The following BBX variants were observed in gnomAD, a reference collection of about 807,000 sequenced individuals.
BBX encodes the protein HMG box transcription factor BBX.
Under a neutral mutation model 100.2 loss-of-function variants are expected in BBX, and 30 were observed. That is an observed-to-expected ratio of 0.30 (90% CI 0.22 to 0.41). The LOEUF is 0.41. Among genes scored for constraint, BBX ranks in the 10% least tolerant of loss-of-function variants. BBX has a pLI of 1.00. For missense variants in BBX, 1,023 were observed against 1,129.8 expected, an observed-to-expected ratio of 0.91 and a Z score of 1.35; for synonymous variants, 376 against 388.1, an observed-to-expected ratio of 0.97 and a Z score of 0.37.
chr3:107,580,567 TGAC>T (rs989942982), intron 2 of BBX, among the ~76,000 whole-genome samples: 2 of 152,216 alleles, frequency 1.3e-5, no homozygotes, highest in African/African-American at 4.8e-5. Flanking sequence ...CCAAAATATA[TGAC>T]TCATATGTAG....
At chr3:107,788,351 C>T (rs971085162) in intron 13 of BBX, among the ~76,000 whole-genome samples, 3 of 152,142 alleles carry the variant, frequency 2.0e-5, no homozygotes, top group Non-Finnish European at 2.9e-5. Flanking sequence ...GGGTGTGGCT[C>T]TAGTGGTCAG....
intron 3 of BBX, among the ~76,000 whole-genome samples, chr3:107,672,154 G>A (rs1006514092): frequency 3.9e-5 from 6 of 152,018 alleles, no homozygotes; most frequent in Non-Finnish European, 8.8e-5. Flanking sequence ...TAGAGCAGAT[G>A]TATTAGAGTC....
chr3:107,576,557 TG>T (rs2051791394), intron 2 of BBX, among the ~76,000 whole-genome samples: 1 of 152,198 alleles, frequency 6.6e-6, no homozygotes, highest in African/African-American at 2.4e-5. Flanking sequence ...GTATATTACA[TG>T]TGTGTGAAAG....
At chr3:107,729,910 A>G (rs1487337030) in intron 6 of BBX, among the ~76,000 whole-genome samples, 1 of 152,092 alleles carries the variant, frequency 6.6e-6, no homozygotes, top group Non-Finnish European at 1.5e-5. Context: ...GCAGTATTCT[A>G]TATAATCTAC....
At chr3:107,640,335 A>G (rs905823208) in intron 2 of BBX, among the ~76,000 whole-genome samples, 1 of 152,168 alleles carries the variant, frequency 6.6e-6, no homozygotes, top group Non-Finnish European at 1.5e-5. Flanking sequence ...TACTTCAACC[A>G]GATCTGCTGC....
chr3:107,705,773 C>T (rs1197137529), intron 3 of BBX, among the ~76,000 whole-genome samples: 2 of 152,158 alleles, frequency 1.3e-5, no homozygotes, highest in Admixed American at 6.6e-5. Context: ...CATGTGTTCT[C>T]ACAGTAGAGC....
intron 2 of BBX, among the ~76,000 whole-genome samples, chr3:107,602,649 G>C (rs1421892484): frequency 6.6e-6 from 1 of 152,198 alleles, no homozygotes; most frequent in Non-Finnish European, 1.5e-5. Flanking sequence ...ATGACATTGA[G>C]GGATTCAAGC....
At chr3:107,750,465 AT>A (rs1206235251) in intron 9 of BBX, among the ~76,000 whole-genome samples, 1 of 152,212 alleles carries the variant, frequency 6.6e-6, no homozygotes, top group Non-Finnish European at 1.5e-5. Context: ...TCCTAGTTAT[AT>A]TTTGTAACCA....
intron 2 of BBX, among the ~76,000 whole-genome samples, chr3:107,612,878 G>C (rs1386200028): frequency 6.6e-6 from 1 of 152,164 alleles, no homozygotes; most frequent in Non-Finnish European, 1.5e-5. Context: ...TGCTGTCTGG[G>C]AACCAGAGCC....
intron 10 of BBX, among the ~76,000 whole-genome samples, chr3:107,770,277 A>C (rs2066795633): frequency 6.6e-6 from 1 of 152,242 alleles, no homozygotes; most frequent in African/African-American, 2.4e-5. Context: ...AACTGTCAGC[A>C]TACCACTAAA....
chr3:107,774,368 G>A (rs2067150671), intron 11 of BBX, among the ~76,000 whole-genome samples: 1 of 152,144 alleles, frequency 6.6e-6, no homozygotes, highest in Admixed American at 6.5e-5. Flanking sequence ...AGGGATGTCA[G>A]TTCAGTGAGT....
At chr3:107,646,526 T>A (rs2057529862) in intron 3 of BBX, among the ~76,000 whole-genome samples, 1 of 152,054 alleles carries the variant, frequency 6.6e-6, no homozygotes, top group Non-Finnish European at 1.5e-5. Flanking sequence ...AGGGGAAAAA[T>A]TTTTTTAACT....
intron 10 of BBX, among the ~76,000 whole-genome samples, chr3:107,760,234 A>T (rs548776864): frequency 6.6e-6 from 1 of 152,210 alleles, no homozygotes; most frequent in Admixed American, 6.5e-5. Flanking sequence ...AATATAAAAG[A>T]CTGTGCAAGT....
At chr3:107,800,579 T>G (rs2070338115) in intron 16 of BBX, among the ~76,000 whole-genome samples, 1 of 152,192 alleles carries the variant, frequency 6.6e-6, no homozygotes, top group Non-Finnish European at 1.5e-5. Flanking sequence ...CCAGTAGGTC[T>G]TTAGAACAAA....
At chr3:107,615,752 A>G (rs1348994705) in intron 2 of BBX, among the ~76,000 whole-genome samples, 1 of 152,226 alleles carries the variant, frequency 6.6e-6, no homozygotes, top group Admixed American at 6.5e-5. Context: ...AATGCCTCTC[A>G]GATACCTAGA....
intron 2 of BBX, among the ~76,000 whole-genome samples, chr3:107,543,017 T>C (rs2048974104): frequency 6.6e-6 from 1 of 152,184 alleles, no homozygotes; most frequent in South Asian, 2.1e-4. Context: ...CTTGACTCAT[T>C]CTAAACATAT....
chr3:107,530,893 A>G (rs1057037689), intron 2 of BBX, among the ~76,000 whole-genome samples: 4 of 152,240 alleles, frequency 2.6e-5, no homozygotes, highest in African/African-American at 7.2e-5. Context: ...ACTAGGTATT[A>G]TCTATCAAAT....
At chr3:107,785,663 T>A (rs912449503) in intron 13 of BBX, among the ~76,000 whole-genome samples, 1 of 151,114 alleles carries the variant, frequency 6.6e-6, no homozygotes, top group African/African-American at 2.4e-5. Context: ...CAAACTAGAG[T>A]TAAAAGGGAA....
At chr3:107,767,843 G>A (rs1033232164) in intron 10 of BBX, among the ~76,000 whole-genome samples, 3 of 152,002 alleles carry the variant, frequency 2.0e-5, no homozygotes, top group Non-Finnish European at 2.9e-5. Context: ...CTGCTTCCAC[G>A]TAGGTTCTAC....
Sources: gnomAD v4.1 joint callset for allele counts (sites outside exome capture counted in the v4.1 genomes callset) on GRCh38, gnomAD v4.1.1 for gene constraint, MANE v1.5 for transcripts, NCBI Gene and HGNC (gene_info 2026-07-23, HGNC 2026-07-21) for gene names.